Variants in FSTL4 observed in about 807,000 individuals in gnomAD.
FSTL4 encodes the protein follistatin like 4.
In FSTL4, 28 loss-of-function variants were observed where a neutral mutation model predicts 78.2. That is an observed-to-expected ratio of 0.36 (90% CI 0.27 to 0.49). The LOEUF is 0.49. Ranked by LOEUF, FSTL4 falls within the 20% of genes least tolerant of loss-of-function variation. The probability of loss-of-function intolerance (pLI) is 0.98; values close to 1 mark genes in which losing one functional copy is unlikely to be tolerated. For synonymous variants in FSTL4, 422 were observed against 440.5 expected (o/e 0.96, Z 0.53); for missense variants, 922 against 1,084.9 (o/e 0.85, Z 2.11).
At chr5:133,373,594 T>C (rs1580658300) in intron 4 of FSTL4, among the ~76,000 whole-genome samples, 2 of 152,182 alleles carry the variant, frequency 1.3e-5, no homozygotes, top group Admixed American at 6.5e-5. Flanking sequence ...AGCTGATCCA[T>C]AACTTAACAC....
At chr5:133,205,168 T>C (rs752583401) in intron 14 of FSTL4, among the ~76,000 whole-genome samples, 1 of 152,238 alleles carries the variant, frequency 6.6e-6, no homozygotes, top group Non-Finnish European at 1.5e-5. Flanking sequence ...TTTCCTTCTA[T>C]TCCTATGTTT....
At chr5:133,562,289 C>A (rs1017674489) in intron 3 of FSTL4, among the ~76,000 whole-genome samples, 25 of 152,168 alleles carry the variant, frequency 1.6e-4, no homozygotes, top group African/African-American at 5.8e-4. Flanking sequence ...AGGCAGGGAA[C>A]TGAGAGATCC....
At chr5:133,826,841 G>A in the FSTL4 span, among the ~76,000 whole-genome samples, 1 of 152,226 alleles carries the variant, frequency 6.6e-6, no homozygotes, top group Non-Finnish European at 1.5e-5. Context: ...AGGAAGCACT[G>A]GGTTTGAATC....
In FSTL4 at chr5:133,210,196, G is replaced by A. The variant is rs1367068302; in HGVS notation, c.1711C>T (p.Leu571Phe). 10 of 1,571,020 alleles carry A rather than the reference G, an allele frequency of 6.4e-6. No homozygotes were observed. Among genetic ancestry groups the A allele is most frequent in the Non-Finnish European group, 8.8e-6 (10 of 1,140,784 alleles). Residue 571 changes from leucine to phenylalanine, a missense_variant, in exon 14 of 16, where the codon CTC becomes TTC. Physicochemically the swap from Leu to Phe is conservative, Grantham distance 22. Transcript: ENST00000265342. ...WGDVHKSRPS[L>F]QVITEASTGQ... is the part of the protein sequence containing the mutation. ...CCTCCATGTGCTCAACATACCTGGA[G>A]ACTTGGTCGGGACTTGTGCACGTCC... is the stretch of plus-strand genomic sequence containing the variant.
At chr5:133,448,670 A>T (rs1158559390) in intron 3 of FSTL4, among the ~76,000 whole-genome samples, 1 of 120,320 alleles carries the variant, frequency 8.3e-6, no homozygotes, top group African/African-American at 3.2e-5. Flanking sequence ...CAGAAGACTG[A>T]GGTTGAGAGG....
At chr5:133,707,748 G>A in the FSTL4 span, among the ~76,000 whole-genome samples, 1 of 152,122 alleles carries the variant, frequency 6.6e-6, no homozygotes, top group Non-Finnish European at 1.5e-5. Context: ...GGTACCCTGT[G>A]GGGTGAGGGC....
intron 3 of FSTL4, among the ~76,000 whole-genome samples, chr5:133,527,398 T>A (rs1347724335): frequency 6.6e-6 from 1 of 152,038 alleles, no homozygotes; most frequent in African/African-American, 2.4e-5. Context: ...CACCCCCAAA[T>A]CAGGCAGGGC....
At chr5:133,733,032 T>C in the FSTL4 span, among the ~76,000 whole-genome samples, 2 of 152,252 alleles carry the variant, frequency 1.3e-5, no homozygotes, top group Non-Finnish European at 2.9e-5. Flanking sequence ...CCACCTAGCA[T>C]AGTGCTTCAG....
chr5:133,593,606 C>A (rs1310687946), intron 2 of FSTL4, among the ~76,000 whole-genome samples: 1 of 152,098 alleles, frequency 6.6e-6, no homozygotes, highest in African/African-American at 2.4e-5. Context: ...TGCTATCAGC[C>A]ACATGCACCT....
intron 2 of FSTL4, among the ~76,000 whole-genome samples, chr5:133,572,306 A>G (rs1233652851): frequency 6.6e-6 from 1 of 152,168 alleles, no homozygotes; most frequent in African/African-American, 2.4e-5. Flanking sequence ...TCAGGGGTAT[A>G]TGTGCACATT....
At chr5:133,212,940 G>A (rs1322297076) in intron 13 of FSTL4, among the ~76,000 whole-genome samples, 1 of 151,432 alleles carries the variant, frequency 6.6e-6, no homozygotes, top group Non-Finnish European at 1.5e-5. Flanking sequence ...ATAATGAAAT[G>A]ATACCTTAAA....
At chr5:133,804,741 G>A in the FSTL4 span, among the ~76,000 whole-genome samples, 2 of 151,772 alleles carry the variant, frequency 1.3e-5, no homozygotes, top group Non-Finnish European at 2.9e-5. Context: ...TCAGGAGATC[G>A]AGACCATCCT....
chr5:133,720,242 T>A, the FSTL4 span, among the ~76,000 whole-genome samples: 2 of 152,234 alleles, frequency 1.3e-5, no homozygotes, highest in African/African-American at 2.4e-5. Flanking sequence ...TAAAGTCCTT[T>A]GGAATGCACT....
chr5:133,388,851 T>C (rs916526857), intron 4 of FSTL4, among the ~76,000 whole-genome samples: 1 of 152,124 alleles, frequency 6.6e-6, no homozygotes, highest in Non-Finnish European at 1.5e-5. Flanking sequence ...CAGTATTTTT[T>C]AAATCTTCTT....
chr5:133,686,731 T>C, the FSTL4 span, among the ~76,000 whole-genome samples: 1 of 152,190 alleles, frequency 6.6e-6, no homozygotes, highest in South Asian at 2.1e-4. Flanking sequence ...GTTACAAGGA[T>C]AGAATAAAAC....
At chr5:133,582,388 T>G (rs770789986) in intron 2 of FSTL4, among the ~76,000 whole-genome samples, 12 of 152,134 alleles carry the variant, frequency 7.9e-5, no homozygotes, top group Non-Finnish European at 1.5e-4. Context: ...GAGACTGCAG[T>G]GAGAGCTGAG....
At chr5:133,242,144 G>T (rs756344522) in intron 7 of FSTL4, among the ~76,000 whole-genome samples, 6 of 152,208 alleles carry the variant, frequency 3.9e-5, no homozygotes, top group Non-Finnish European at 7.3e-5. Flanking sequence ...GTATAAGGAT[G>T]TTTACTGCAG....
At chr5:133,367,035 T>TC (rs909483457) in intron 4 of FSTL4, among the ~76,000 whole-genome samples, 9 of 152,322 alleles carry the variant, frequency 5.9e-5, no homozygotes, top group African/African-American at 1.9e-4. Flanking sequence ...TTCAGGGTCC[T>TC]CCCCTTGAAG....
chr5:133,706,397 T>A, the FSTL4 span, among the ~76,000 whole-genome samples: 5 of 152,220 alleles, frequency 3.3e-5, no homozygotes, highest in African/African-American at 1.2e-4. Context: ...AAAAGGATGT[T>A]CTGGTTCATT....
Sources: gnomAD v4.1 joint callset for allele counts (sites outside exome capture counted in the v4.1 genomes callset) on GRCh38, gnomAD v4.1.1 for gene constraint, MANE v1.5 for transcripts, NCBI Gene and HGNC (gene_info 2026-07-23, HGNC 2026-07-21) for gene names.